The following AGTPBP1 variants were observed in gnomAD, a reference collection of about 807,000 sequenced individuals.
AGTPBP1 encodes the protein cytosolic carboxypeptidase 1.
A neutral mutation model predicts 143.9 loss-of-function variants in AGTPBP1; 70 were observed. The observed-to-expected ratio is 0.49, with a 90% confidence interval of 0.40 to 0.59. The LOEUF is 0.59. Among genes scored for constraint, AGTPBP1 ranks in the 20% least tolerant of loss-of-function variants. AGTPBP1 has a pLI of 0.00. For missense variants in AGTPBP1, 1,229 were observed against 1,464.5 expected, an observed-to-expected ratio of 0.84 and a Z score of 2.62; for synonymous variants, 463 against 500.2, an observed-to-expected ratio of 0.93 and a Z score of 0.99.
the AGTPBP1 span, among the ~76,000 whole-genome samples, chr9:85,755,791 A>G: frequency 0.02 from 3,001 of 152,336 alleles, 84 homozygotes; most frequent in African/African-American, 0.068. Flanking sequence ...TGTTCTTAAT[A>G]TAGGCATAGA....
chr9:85,773,601 C>T, the AGTPBP1 span, among the ~76,000 whole-genome samples: 1 of 151,888 alleles, frequency 6.6e-6, no homozygotes, highest in Non-Finnish European at 1.5e-5. Flanking sequence ...GACTCCCAAA[C>T]TGCTAGGACT....
chr9:85,770,909 T>C, the AGTPBP1 span, among the ~76,000 whole-genome samples: 8 of 152,080 alleles, frequency 5.3e-5, no homozygotes, highest in East Asian at 1.9e-4. Context: ...TTTCTCATCA[T>C]GTATGAGTTG....
chr9:85,594,588 TAAA>T (rs11292909), intron 18 of AGTPBP1, among the ~76,000 whole-genome samples: 1 of 150,370 alleles, frequency 6.7e-6, no homozygotes, highest in Non-Finnish European at 1.5e-5. Flanking sequence ...AGACTGTGTT[TAAA>T]AAAAAAAATT....
At chr9:85,688,098 A>AT (rs1835610994) in intron 3 of AGTPBP1, among the ~76,000 whole-genome samples, 1 of 137,258 alleles carries the variant, frequency 7.3e-6, no homozygotes, top group African/African-American at 2.6e-5. Flanking sequence ...CTCAAAATTA[A>AT]AAAAAAAAAA....
At chr9:85,740,485 G>C (rs1009500073) in intron 1 of AGTPBP1, among the ~76,000 whole-genome samples, 3 of 152,172 alleles carry the variant, frequency 2.0e-5, no homozygotes, top group African/African-American at 7.2e-5. Context: ...TCAGAGTTTT[G>C]TTTGGTTTTG....
chr9:85,561,616 C>T (rs1256351910), intron 25 of AGTPBP1, among the ~76,000 whole-genome samples: 1 of 151,722 alleles, frequency 6.6e-6, no homozygotes, highest in African/African-American at 2.4e-5. Context: ...TCAGATAAAA[C>T]CCAAAATGTA....
chr9:85,732,135 A>C (rs948001972), intron 1 of AGTPBP1, among the ~76,000 whole-genome samples: 4 of 152,068 alleles, frequency 2.6e-5, no homozygotes, highest in African/African-American at 9.7e-5. Context: ...CTAAGTCTAT[A>C]CAGATGATAA....
intron 4 of AGTPBP1, among the ~76,000 whole-genome samples, 176 bp from the exon 5 acceptor site, chr9:85,678,574 T>C (rs1369363138): frequency 2.6e-5 from 4 of 152,214 alleles, no homozygotes; most frequent in Admixed American, 2.6e-4. Flanking sequence ...TTAAGAATTT[T>C]TACAAATCAT....
chr9:85,735,744 C>G (rs1839200105), intron 1 of AGTPBP1, among the ~76,000 whole-genome samples: 1 of 152,062 alleles, frequency 6.6e-6, no homozygotes, highest in Admixed American at 6.5e-5. Context: ...ATTAATAAAC[C>G]TAAAGAGTTC....
rs566160363 is a variant in AGTPBP1 at position 85,567,451 on chromosome 9, C to T, written c.3503+7864G>A. On this transcript the variant is annotated intron_variant, in intron 25 of 25. Transcript: ENST00000357081. ...ACTAAAAATACAAAAGTTAGCCAGGCAGTAGTGGTCCATGCCTGTAATCCC... is the reference window on the plus strand; with the variant it reads ...ACTAAAAATACAAAAGTTAGCCAGGTAGTAGTGGTCCATGCCTGTAATCCC... Among the ~76,000 whole-genome samples, 5 of 151,950 alleles carry T rather than the reference C, an allele frequency of 3.3e-5. No homozygotes were observed. The South Asian group carries it at 1.0e-3, about 32-fold the overall frequency.
chr9:85,596,500 TA>T (rs1330285172), intron 17 of AGTPBP1, 51 bp from the exon 18 acceptor site: 23 of 1,257,144 alleles, frequency 1.8e-5, no homozygotes, highest in Non-Finnish European at 2.4e-5. Flanking sequence ...ATTTTTCAAT[TA>T]AAAATTAATC....
intron 21 of AGTPBP1, among the ~76,000 whole-genome samples, chr9:85,588,078 A>C (rs899546144): frequency 5.9e-5 from 9 of 152,202 alleles, no homozygotes; most frequent in African/African-American, 2.2e-4. Flanking sequence ...ATAGGGCACT[A>C]GGCCCTATAA....
chr9:85,737,049 T>C (rs1055674051), intron 1 of AGTPBP1, among the ~76,000 whole-genome samples: 1 of 152,144 alleles, frequency 6.6e-6, no homozygotes, highest in African/African-American at 2.4e-5. Flanking sequence ...GAGCTTGCAG[T>C]GAGCAGAGAT....
chr9:85,781,300 G>T, the AGTPBP1 span: 1 of 1,569,352 alleles, frequency 6.4e-7, no homozygotes, highest in Non-Finnish European at 8.6e-7. Context: ...AACCAGCCGG[G>T]ATCATAAGAA....
Sources: gnomAD v4.1 joint callset for allele counts (sites outside exome capture counted in the v4.1 genomes callset) on GRCh38, gnomAD v4.1.1 for gene constraint, MANE v1.5 for transcripts, NCBI Gene and HGNC (gene_info 2026-07-23, HGNC 2026-07-21) for gene names.